Variants in SDK1 observed in about 807,000 individuals in gnomAD.
The protein encoded by SDK1 is protein sidekick-1.
In SDK1, 157 loss-of-function variants were observed where a neutral mutation model predicts 245.5. The observed-to-expected ratio is 0.64, with a 90% confidence interval of 0.56 to 0.73. SDK1 has a LOEUF of 0.73. Ranked by LOEUF, SDK1 falls within the 30% of genes least tolerant of loss-of-function variation. The pLI, the probability that SDK1 is intolerant of heterozygous loss-of-function variation, is 0.00. For synonymous variants in SDK1, 1,647 were observed against 1,278.5 expected, an observed-to-expected ratio of 1.29 and a Z score of -6.15; for missense variants, 3,583 against 3,002.3, an observed-to-expected ratio of 1.19 and a Z score of -4.52.
Position 4,049,303 on chromosome 7 carries a change from C to T in SDK1, c.2603-45C>T, listed in dbSNP as rs1465237484. 3.4e-6 allele frequency: 5 copies of T among 1,477,010 alleles called. No homozygotes were observed. In the South Asian group the frequency reaches 3.4e-5, roughly 10 times the overall value. The allele number at this position is 1,477,010 out of a possible 1,614,324, so 91.5% of individuals were successfully genotyped here. A position where few individuals can be genotyped will look rare whatever the true frequency, so the allele number is the denominator to read the frequency against. ...TTTCTGTCTCTCCACCCCATGGTCC[C>T]TCCTGCCATTTGTTCTGCTGTCATC... On this transcript the variant is annotated intron_variant, in intron 17 of 44. Transcript: ENST00000404826.
At position 3,662,313 on chromosome 7, in the gene SDK1, A is replaced by G. The variant is rs569428166; in HGVS notation, c.713+20208A>G. Among the ~76,000 whole-genome samples, 4 of 152,270 alleles carry G rather than the reference A, an allele frequency of 2.6e-5. No individual in the cohort carries two copies. In the East Asian group the frequency reaches 7.7e-4, roughly 29 times the overall value. On this transcript the variant is annotated intron_variant, in intron 4 of 44. Transcript: ENST00000404826. ...TGAACATCTCACAATACTCTTCAAA[A>G]AGACATCCTGTCTGGTTACACAAAA...
intron 13 of SDK1, among the ~76,000 whole-genome samples, chr7:3,981,197 C>T (rs151209758): frequency 7.9e-5 from 12 of 152,224 alleles, no homozygotes; most frequent in African/African-American, 2.9e-4. Flanking sequence ...GATGGCACTC[C>T]CTGATCACTG....
intron 32 of SDK1, among the ~76,000 whole-genome samples, chr7:4,170,374 G>A (rs1781761437): frequency 6.6e-6 from 1 of 152,120 alleles, no homozygotes; most frequent in Non-Finnish European, 1.5e-5. Context: ...TTGAGCCCAG[G>A]AGGTCGAGGC....
chr7:4,248,703 CA>C (rs1029810984), intron 44 of SDK1, among the ~76,000 whole-genome samples: 6 of 151,994 alleles, frequency 3.9e-5, no homozygotes, highest in African/African-American at 7.3e-5. Context: ...TACATGCACA[CA>C]TGTACACACA....
intron 28 of SDK1, among the ~76,000 whole-genome samples, chr7:4,138,758 AAAGAG>A (rs913596531): frequency 1.3e-5 from 2 of 151,654 alleles, no homozygotes; most frequent in African/African-American, 4.8e-5. Flanking sequence ...CAAAAAAAAA[AAAGAG>A]AGAGAAAGAA....
intron 1 of SDK1, among the ~76,000 whole-genome samples, chr7:3,511,799 G>GTTT (rs11394628): frequency 6.7e-6 from 1 of 148,316 alleles, no homozygotes; most frequent in East Asian, 2.0e-4. Context: ...TTTGTTTTTT[G>GTTT]TTTTTTTTTA....
At chr7:3,537,101 C>T (rs187877412) in intron 1 of SDK1, among the ~76,000 whole-genome samples, 2 of 152,210 alleles carry the variant, frequency 1.3e-5, no homozygotes, top group East Asian at 3.9e-4. Context: ...TCATAAAATT[C>T]CCTTAAATCC....
At chr7:3,507,600 C>G (rs1245010496) in intron 1 of SDK1, among the ~76,000 whole-genome samples, 1 of 152,140 alleles carries the variant, frequency 6.6e-6, no homozygotes. Context: ...ATTTTATAGT[C>G]CATTAATGCA....
At chr7:4,176,843 C>G (rs1782245305) in intron 34 of SDK1, among the ~76,000 whole-genome samples, 1 of 152,204 alleles carries the variant, frequency 6.6e-6, no homozygotes, top group Non-Finnish European at 1.5e-5. Flanking sequence ...AATATCCCAT[C>G]GAATGAAAGA....
intron 1 of SDK1, among the ~76,000 whole-genome samples, chr7:3,414,966 T>G (rs946714709): frequency 2.0e-5 from 3 of 152,246 alleles, no homozygotes; most frequent in Admixed American, 2.0e-4. Flanking sequence ...TTTTATTAAT[T>G]TATCAGTTGA....
In SDK1 at chr7:3,499,209, G is replaced by A. The variant is rs539670400; in HGVS notation, c.299-119871G>A. Among the ~76,000 whole-genome samples the A allele has an allele frequency of 2.6e-5, 4 of 152,258 alleles. No individual in the cohort carries two copies. In the East Asian group the frequency reaches 7.7e-4, roughly 29 times the overall value. Reference sequence around the variant, plus strand: ...CAGCAATAATGGTGTCCTTAAGATCGACATCTTTCCGGATTCATTTTTTGT... The same window carrying A: ...CAGCAATAATGGTGTCCTTAAGATCAACATCTTTCCGGATTCATTTTTTGT... On this transcript the variant is annotated intron_variant, in intron 1 of 44. Coordinates refer to ENST00000404826, the MANE Select transcript of SDK1 (RefSeq NM_152744.4).
chr7:3,970,906 G>A (rs548695222), intron 11 of SDK1, among the ~76,000 whole-genome samples: 2 of 152,314 alleles, frequency 1.3e-5, no homozygotes, highest in East Asian at 3.9e-4. Context: ...AGGTATGGGT[G>A]CTACAGTGAC....
intron 5 of SDK1, among the ~76,000 whole-genome samples, chr7:3,885,959 A>G (rs1335965025): frequency 1.3e-5 from 2 of 152,152 alleles, no homozygotes; most frequent in Non-Finnish European, 2.9e-5. Context: ...ATGGTCTCAG[A>G]GGCATCCCGT....
At chr7:3,422,654 C>G (rs796273346) in intron 1 of SDK1, among the ~76,000 whole-genome samples, 4 of 152,216 alleles carry the variant, frequency 2.6e-5, no homozygotes, top group African/African-American at 9.6e-5. Flanking sequence ...CAAATTATTT[C>G]TTTCTGTAGC....
chr7:3,556,598 A>G (rs928250875), intron 1 of SDK1, among the ~76,000 whole-genome samples: 2 of 151,970 alleles, frequency 1.3e-5, no homozygotes, highest in Non-Finnish European at 2.9e-5. Flanking sequence ...AGGCAGGCTG[A>G]TTATCTCAGG....
chr7:3,652,965 G>C (rs1783054276), intron 4 of SDK1, among the ~76,000 whole-genome samples: 1 of 152,220 alleles, frequency 6.6e-6, no homozygotes, highest in South Asian at 2.1e-4. Flanking sequence ...AATAATTGCA[G>C]TGGGCAAAGA....
intron 1 of SDK1, among the ~76,000 whole-genome samples, chr7:3,560,867 C>T (rs993635717): frequency 3.3e-5 from 5 of 152,122 alleles, no homozygotes; most frequent in Admixed American, 2.0e-4. Context: ...TTGCTCTTCC[C>T]GAAGGTGTCC....
At chr7:3,893,033 G>A (rs1297118857) in intron 5 of SDK1, among the ~76,000 whole-genome samples, 1 of 152,126 alleles carries the variant, frequency 6.6e-6, no homozygotes. Context: ...ATTTGAGCGG[G>A]AAGCCCAGGC....
intron 29 of SDK1, among the ~76,000 whole-genome samples, chr7:4,146,991 C>T (rs1020067483): frequency 2.0e-5 from 3 of 152,212 alleles, no homozygotes; most frequent in African/African-American, 7.2e-5. Flanking sequence ...CAGTGGGCTC[C>T]GCGCATGTCC....
Sources: gnomAD v4.1 joint callset for allele counts (sites outside exome capture counted in the v4.1 genomes callset) on GRCh38, gnomAD v4.1.1 for gene constraint, MANE v1.5 for transcripts, NCBI Gene and HGNC (gene_info 2026-07-23, HGNC 2026-07-21) for gene names.